CCDC33: variants seen among roughly 807,000 people sequenced by gnomAD.
The protein encoded by CCDC33 is coiled-coil domain-containing protein 33.
CCDC33 carries 94 observed loss-of-function variants against 91.9 expected under a neutral mutation model. The observed-to-expected ratio is 1.02, with a 90% CI of 0.87 to 1.21. CCDC33 has a LOEUF of 1.21. Among genes scored for constraint, CCDC33 ranks in the 50% most tolerant of loss-of-function variants. The probability of loss-of-function intolerance (pLI) is 0.00; values close to 1 mark genes in which losing one functional copy is unlikely to be tolerated. For missense variants in CCDC33, 940 were observed against 935.5 expected, an observed-to-expected ratio of 1.00 and a Z score of -0.06; for synonymous variants, 396 against 374.5, an observed-to-expected ratio of 1.06 and a Z score of -0.66.
At chr15:74,306,484 C>T (rs1346416452) in intron 11 of CCDC33, among the ~76,000 whole-genome samples, 1 of 152,190 alleles carries the variant, frequency 6.6e-6, no homozygotes, top group Admixed American at 6.5e-5. Context: ...TGAAATTCCT[C>T]TTGTTCCTGC....
At chr15:74,264,773 A>G (rs2076124414) in intron 3 of CCDC33, among the ~76,000 whole-genome samples, 1 of 152,148 alleles carries the variant, frequency 6.6e-6, no homozygotes, top group African/African-American at 2.4e-5. Flanking sequence ...ACAGCTTGAA[A>G]ACACACTCTT....
In CCDC33 at chr15:74,268,330, C is replaced by G. The variant is rs200221522; in HGVS notation, c.430-12C>G. ...CCTTCCTCTGTGTCTTCTGCCCCAACCCTGTCTCCAGCCCACTGAGTCTGG... is the reference window on the plus strand; with the variant it reads ...CCTTCCTCTGTGTCTTCTGCCCCAAGCCTGTCTCCAGCCCACTGAGTCTGG... On this transcript the variant is annotated splice_polypyrimidine_tract_variant and intron_variant, in intron 4 of 18. Coordinates refer to ENST00000398814, the MANE Select transcript of CCDC33 (RefSeq NM_025055.5). 5.6e-6 allele frequency: 9 copies of G among 1,600,920 alleles called. No individual in the cohort carries two copies. In the East Asian group the frequency reaches 2.0e-4, roughly 36 times the overall value.
intron 2 of CCDC33, among the ~76,000 whole-genome samples, chr15:74,223,766 GCAAGCATGCA>G (rs1595886967): frequency 2.2e-5 from 1 of 46,170 alleles, no homozygotes; most frequent in East Asian, 1.7e-3. Context: ...ACACACACAC[GCAAGCATGCA>G]CACACACACA....
At chr15:74,302,378 G>T (rs941300579) in intron 11 of CCDC33, 2 of 152,224 alleles carry the variant, frequency 1.3e-5, no homozygotes, top group African/African-American at 4.8e-5. Context: ...CCTCAGAAAG[G>T]CAAGCCTCCC....
At chr15:74,265,893 G>A (rs1007692378) in intron 3 of CCDC33, among the ~76,000 whole-genome samples, 22 of 152,074 alleles carry the variant, frequency 1.4e-4, no homozygotes, top group African/African-American at 4.6e-4. Context: ...GTGTGGTGGC[G>A]GGCACCTGTA....
intron 2 of CCDC33, among the ~76,000 whole-genome samples, chr15:74,226,030 G>T (rs948429034): frequency 2.0e-5 from 3 of 152,186 alleles, no homozygotes; most frequent in Non-Finnish European, 4.4e-5. Flanking sequence ...GGCTCCAAAG[G>T]TCCAACCTCC....
chr15:74,255,097 C>T (rs2075821378), intron 2 of CCDC33, among the ~76,000 whole-genome samples: 1 of 134,780 alleles, frequency 7.4e-6, no homozygotes, highest in East Asian at 2.0e-4. Context: ...CCCTTTCCCC[C>T]CATCCTGAAA....
At chr15:74,301,893 CCTT>C (rs2059802504) in intron 11 of CCDC33, 1 of 149,240 alleles carries the variant, frequency 6.7e-6, no homozygotes. Flanking sequence ...ACCTCTCTCT[CCTT>C]CTCTCTCTCT....
intron 5 of CCDC33, among the ~76,000 whole-genome samples, chr15:74,270,463 C>T (rs935189148): frequency 1.1e-4 from 16 of 152,030 alleles, no homozygotes; most frequent in Admixed American, 9.8e-4. Context: ...TGTGGGGTGT[C>T]GGGCAGGGAA....
intron 5 of CCDC33, among the ~76,000 whole-genome samples, chr15:74,269,086 AC>A (rs2076246871): frequency 6.6e-6 from 1 of 150,846 alleles, no homozygotes; most frequent in South Asian, 2.1e-4. Context: ...ATCACCATCC[AC>A]CCCCTAGGCC....
intron 11 of CCDC33, among the ~76,000 whole-genome samples, chr15:74,307,596 A>G (rs2059913998): frequency 6.6e-6 from 1 of 152,018 alleles, no homozygotes; most frequent in Non-Finnish European, 1.5e-5. Flanking sequence ...CCATCTTCCC[A>G]GCCTATCTGG....
chr15:74,303,865 A>G (rs1038242963), intron 11 of CCDC33: 1 of 152,076 alleles, frequency 6.6e-6, no homozygotes, highest in African/African-American at 2.4e-5. Context: ...GGCTGAGAAC[A>G]CTCGCCAGCT....
chr15:74,292,185 C>G (rs1255357329), intron 10 of CCDC33, among the ~76,000 whole-genome samples: 1 of 152,196 alleles, frequency 6.6e-6, no homozygotes, highest in African/African-American at 2.4e-5. Context: ...CCCCACCTTA[C>G]CTGGAGGAAA....
upstream of CCDC33, among the ~76,000 whole-genome samples, chr15:74,216,942 C>A (rs887489681): frequency 6.6e-6 from 1 of 152,088 alleles, no homozygotes; most frequent in African/African-American, 2.4e-5. Flanking sequence ...CTCTACCCAC[C>A]TCCCCCACTA....
rs369700000 is a variant in CCDC33, at chr15:74,333,904, C to T, written c.1962C>T (p.Asp654=). The T allele has an allele frequency of 6.2e-7, 1 of 1,613,630 alleles. No homozygotes were observed. Among genetic ancestry groups the T allele is most frequent in the Admixed American group, 1.7e-5 (1 of 60,002 alleles). ...ALPDLLSGTS[D]KFNLLAKLEH... ...AGGATCTCCTCTCTGGTACTTCAGA[C>T]AAGTTCAACCTCCTGGCCAAGCTGG... The change falls in exon 17 of 19, where the codon GAC becomes GAT. Residue 654 remains aspartate, a synonymous_variant. Transcript: ENST00000398814.
chr15:74,242,045 C>T (rs1490160444), intron 1 of CCDC33, among the ~76,000 whole-genome samples: 1 of 152,204 alleles, frequency 6.6e-6, no homozygotes, highest in African/African-American at 2.4e-5. Context: ...GGGCACCCCA[C>T]GCTACCGTGA....
At chr15:74,319,110 A>G (rs2060154949) in intron 11 of CCDC33, among the ~76,000 whole-genome samples, 2 of 152,186 alleles carry the variant, frequency 1.3e-5, no homozygotes, top group South Asian at 2.1e-4. Flanking sequence ...GCAGCAGCTC[A>G]GACTGGGGGC....
chr15:74,295,564 G>A (rs1436946936), intron 10 of CCDC33, among the ~76,000 whole-genome samples, 190 bp from the exon 11 acceptor site: 1 of 152,176 alleles, frequency 6.6e-6, no homozygotes, highest in Non-Finnish European at 1.5e-5. Context: ...GCTTGTTGGA[G>A]GAACAGCAAG....
chr15:74,285,037 C>T (rs1251310347), intron 10 of CCDC33, among the ~76,000 whole-genome samples: 1 of 152,246 alleles, frequency 6.6e-6, no homozygotes, highest in Non-Finnish European at 1.5e-5. Context: ...TGATATTGGG[C>T]CTCTCAGGCC....
Sources: gnomAD v4.1 joint callset for allele counts (sites outside exome capture counted in the v4.1 genomes callset) on GRCh38, gnomAD v4.1.1 for gene constraint, MANE v1.5 for transcripts, NCBI Gene and HGNC (gene_info 2026-07-23, HGNC 2026-07-21) for gene names.